The following CDC16 variants were observed in gnomAD, a reference collection of about 807,000 sequenced individuals.
CDC16 encodes the protein cell division cycle 16, also known as cell division cycle protein 16 homolog.
In CDC16, 34 loss-of-function variants were observed where a neutral mutation model predicts 87.0. The observed-to-expected ratio is 0.39, with a 90% CI of 0.30 to 0.52. The LOEUF is 0.52. CDC16 is among the 20% of genes least tolerant of loss of function. The pLI, the probability that CDC16 is intolerant of heterozygous loss-of-function variation, is 0.74. For missense variants in CDC16, 653 were observed against 751.9 expected (o/e 0.87, Z 1.54); for synonymous variants, 263 against 260.6 (o/e 1.01, Z -0.09).
chr13:114,259,271 AT>A, intron 13 of CDC16, 63 bp from the exon 14 acceptor site: 1 of 1,199,392 alleles, frequency 8.3e-7, no homozygotes, highest in Non-Finnish European at 1.2e-6. Context: ...GTAATCAAAA[AT>A]TTTTTTAAAG....
intron 6 of CDC16, 70 bp downstream of exon 6, chr13:114,242,350 A>G (rs1375896337): frequency 6.9e-7 from 1 of 1,442,386 alleles, no homozygotes; most frequent in African/African-American, 1.4e-5. Context: ...TTGCCTCTGA[A>G]ATCTTCTAAG....
rs558777884 is a variant in CDC16 at position 114,266,853 on chromosome 13, G to A, written c.1603+1613G>A. ...TGGGACTACAGGCACCCATCACCAC[G>A]CCCGGCTAATTTTTTTGTATTTTTA... On this transcript the variant is annotated intron_variant, in intron 17 of 17. Coordinates refer to ENST00000356221, the MANE Select transcript of CDC16 (RefSeq NM_001078645.3). Among the ~76,000 whole-genome samples, 9 of 151,954 alleles carry A rather than the reference G, an allele frequency of 5.9e-5. No homozygotes were observed. In the South Asian group the frequency reaches 1.3e-3, roughly 21 times the overall value.
chr13:114,255,759 C>T (rs2082458344), intron 12 of CDC16, among the ~76,000 whole-genome samples: 1 of 152,134 alleles, frequency 6.6e-6, no homozygotes, highest in Non-Finnish European at 1.5e-5. Context: ...CCTTCCGCCT[C>T]AGCCTCTCAA....
At chr13:114,269,410 G>A (rs1283915542) in intron 17 of CDC16, among the ~76,000 whole-genome samples, 1 of 148,406 alleles carries the variant, frequency 6.7e-6, no homozygotes, top group Non-Finnish European at 1.5e-5. Context: ...GTGCTGGGAG[G>A]TGTGATTCAT....
chr13:114,240,423 A>T (rs1271707725), intron 5 of CDC16, among the ~76,000 whole-genome samples: 1 of 152,058 alleles, frequency 6.6e-6, no homozygotes, highest in Non-Finnish European at 1.5e-5. Context: ...GTTAGCCAGG[A>T]TGGTCTCGAT....
In CDC16 at chr13:114,234,907, G is replaced by A. The variant is rs17337703; in HGVS notation, c.-178G>A. The A allele has an allele frequency of 0.01, 4,009 of 395,048 alleles. 196 individuals carry two copies. Among genetic ancestry groups the A allele is most frequent in the Admixed American group, 0.093 (2,055 of 22,150 alleles). The allele number at this position is 395,048 out of a possible 1,614,324, so 24.5% of individuals were successfully genotyped here. ...CGGAAGAGCCTGGGCAGTGCACGGG[G>A]CCTGGGTGGGGGGTGCGGGTGTGGG... On this transcript the variant is annotated 5_prime_UTR_variant, in exon 1 of 18. Transcript: ENST00000356221.
chr13:114,257,194 T>C lies in CDC16; in HGVS notation c.1214T>C (p.Met405Thr). Residue 405 changes from methionine to threonine, a missense_variant, in exon 13 of 18, where the codon ATG becomes ACG. Physicochemically the swap from Met to Thr is moderately conservative, Grantham distance 81. Transcript: ENST00000356221. ...LSIAPEDPFVMHEVGVVAFQN... is the reference protein window; with the variant it reads ...LSIAPEDPFVTHEVGVVAFQN... ...ATTGCACCGGAAGACCCTTTTGTTA[T>C]GCATGAGGTCGGCGTGGTTGCATTT... is the stretch of plus-strand genomic sequence containing the variant. The C allele has an allele frequency of 2.5e-6, 4 of 1,613,130 alleles. No homozygotes were observed. The highest frequency in any genetic ancestry group is 2.2e-5 in the South Asian group (2 of 90,956).
rs1458377553 is a variant in CDC16, at chr13:114,250,648, C to T, written c.1071C>T (p.Tyr357=). The change falls in exon 12 of 18, where the codon TAC becomes TAT. Residue 357 remains tyrosine (Y), a synonymous_variant. Transcript: ENST00000356221. ...AGCACGACCAAGCGATGGCTGCTTA[C>T]TTCACAGCAGCACAGCTGATGAAAG... ...ESEHDQAMAA[Y]FTAAQLMKGC... The T allele has an allele frequency of 6.2e-7, 1 of 1,613,914 alleles. No homozygotes were observed. Among genetic ancestry groups the T allele is most frequent in the Non-Finnish European group, 8.5e-7 (1 of 1,179,924 alleles).
intron 17 of CDC16, 98 bp from the exon 18 acceptor site, chr13:114,272,086 T>C: frequency 1.5e-6 from 1 of 679,070 alleles, no homozygotes; most frequent in Non-Finnish European, 2.5e-6. Context: ...CTAAATAGTA[T>C]AATCTGACTT....
chr13:114,242,480 T>C (rs1361854228), intron 6 of CDC16, 200 bp downstream of exon 6: 4 of 543,322 alleles, frequency 7.4e-6, no homozygotes, highest in Admixed American at 7.0e-5. Context: ...AATCTAGGGA[T>C]TGTGATAGGA....
At position 114,239,404 on chromosome 13, in the gene CDC16, A is replaced by T. The variant is rs748141674; in HGVS notation, c.295A>T (p.Ile99Phe). ...TGATGTTCTTGACATGGAAGAGCCCATCAATAAAAGATTATTTGAAAAATA... is the reference window on the plus strand; with the variant it reads ...TGATGTTCTTGACATGGAAGAGCCCTTCAATAAAAGATTATTTGAAAAATA... ...ALDVLDMEEP[I>F]NKRLFEKYLK... The change falls in exon 5 of 18, where the codon ATC (isoleucine) becomes TTC (phenylalanine). Residue 99 changes from isoleucine (I) to phenylalanine (F), a missense_variant. Physicochemically the swap from Ile to Phe is conservative, Grantham distance 21. Transcript: ENST00000356221. 6.2e-7 allele frequency: 1 copy of T among 1,613,492 alleles called. No individual in the cohort carries two copies. The highest frequency in any genetic ancestry group is 8.5e-7 in the Non-Finnish European group (1 of 1,179,436).
intron 16 of CDC16, among the ~76,000 whole-genome samples, chr13:114,263,879 C>T (rs1258103778): frequency 2.6e-5 from 4 of 152,330 alleles, no homozygotes; most frequent in Non-Finnish European, 2.9e-5. Context: ...ACCAAGTTCA[C>T]GCTTCTCAGG....
chr13:114,272,662 G>A lies in CDC16; in HGVS notation c.*219G>A, dbSNP rs2083761479. The A allele has an allele frequency of 2.4e-6, 1 of 418,502 alleles. No homozygotes were observed. Among genetic ancestry groups the A allele is most frequent in the South Asian group, 6.8e-5 (1 of 14,630 alleles). 25.9% of individuals were successfully genotyped at this position (418,502 alleles called of 1,614,324 possible). On this transcript the variant is annotated 3_prime_UTR_variant, in exon 18 of 18. Transcript: ENST00000356221. ...AAATAGTTATACATAGTGGAATAAA[G>A]AAGGTAAACCATCTGTTATGTCTTT...
chr13:114,267,497 CAAA>C (rs917075426), intron 17 of CDC16, among the ~76,000 whole-genome samples: 4 of 145,534 alleles, frequency 2.7e-5, no homozygotes. Context: ...AATCTCAAAA[CAAA>C]AAAAAAAGTG....
At chr13:114,257,733 C>A (rs1418189328) in intron 13 of CDC16, among the ~76,000 whole-genome samples, 1 of 152,106 alleles carries the variant, frequency 6.6e-6, no homozygotes, top group Non-Finnish European at 1.5e-5. Flanking sequence ...TAATCCTTTG[C>A]ATTTCATGAT....
At chr13:114,255,907 C>T (rs889541628) in intron 12 of CDC16, among the ~76,000 whole-genome samples, 4 of 152,214 alleles carry the variant, frequency 2.6e-5, no homozygotes, top group African/African-American at 9.7e-5. Context: ...ACTGGGATTA[C>T]AGGTATGAGC....
At chr13:114,267,362 A>G (rs1225082350) in intron 17 of CDC16, among the ~76,000 whole-genome samples, 4 of 151,984 alleles carry the variant, frequency 2.6e-5, no homozygotes, top group Admixed American at 1.3e-4. Context: ...CTGGCCAGGC[A>G]TAGTGGCAGA....
intron 11 of CDC16, among the ~76,000 whole-genome samples, chr13:114,248,111 G>A (rs2081968915): frequency 6.6e-6 from 1 of 152,160 alleles, no homozygotes; most frequent in Non-Finnish European, 1.5e-5. Flanking sequence ...ATGATTTGCT[G>A]TGGTTTTAAC....
chr13:114,247,164 T>G, intron 11 of CDC16, 160 bp downstream of exon 11: 3 of 593,966 alleles, frequency 5.1e-6, no homozygotes, highest in Non-Finnish European at 8.9e-6. Context: ...TTCTTGCCTT[T>G]TCTTTTCCTT....
Sources: gnomAD v4.1 joint callset for allele counts (sites outside exome capture counted in the v4.1 genomes callset) on GRCh38, gnomAD v4.1.1 for gene constraint, MANE v1.5 for transcripts, NCBI Gene and HGNC (gene_info 2026-07-23, HGNC 2026-07-21) for gene names.